PPFIBP2: variants seen among roughly 807,000 people sequenced by gnomAD.
The protein encoded by PPFIBP2 is PPFIB scaffold protein 2.
In PPFIBP2, 118 loss-of-function variants were observed where a neutral mutation model predicts 118.3. The ratio of observed to expected loss-of-function variants is 1.00; its 90% confidence interval spans 0.86 to 1.16. PPFIBP2 has a LOEUF of 1.16. Among genes scored for constraint, PPFIBP2 ranks in the 50% most tolerant of loss-of-function variants. PPFIBP2 has a pLI of 0.00. For synonymous variants in PPFIBP2, 414 were observed against 397.4 expected (o/e 1.04, Z -0.50); for missense variants, 1,195 against 1,073.1 (o/e 1.11, Z -1.59).
chr11:7,568,840 G>A (rs1430809177), intron 3 of PPFIBP2: 1 of 152,270 alleles, frequency 6.6e-6, no homozygotes, highest in African/African-American at 2.4e-5. Flanking sequence ...CCAGATCAAT[G>A]AAGAAGCGTT....
At chr11:7,552,368 A>G (rs192711773) in intron 2 of PPFIBP2, among the ~76,000 whole-genome samples, 1 of 152,292 alleles carries the variant, frequency 6.6e-6, no homozygotes, top group East Asian at 1.9e-4. Flanking sequence ...ATCATGTTGA[A>G]TCTTTTCTGG....
At chr11:7,617,348 G>A (rs1319381632) in intron 6 of PPFIBP2, 1 of 971,664 alleles carries the variant, frequency 1.0e-6, no homozygotes, top group Non-Finnish European at 1.2e-6. Flanking sequence ...CATTTCACTG[G>A]TGGAGGGGCT....
intron 3 of PPFIBP2, among the ~76,000 whole-genome samples, chr11:7,589,457 G>A (rs1226438258): frequency 2.0e-5 from 3 of 152,094 alleles, no homozygotes; most frequent in African/African-American, 7.2e-5. Context: ...GCTGGGCATG[G>A]TGGTGCATGC....
At chr11:7,525,726 A>G (rs568433628) in intron 1 of PPFIBP2, among the ~76,000 whole-genome samples, 2 of 152,316 alleles carry the variant, frequency 1.3e-5, no homozygotes, top group South Asian at 2.1e-4. Context: ...TGTCCTACCC[A>G]TCTATGTGGA....
chr11:7,606,146 G>A, intron 5 of PPFIBP2: 2 of 1,090,182 alleles, frequency 1.8e-6, no homozygotes, highest in East Asian at 2.8e-5. Context: ...TGGTCGGGGG[G>A]CAAAATACTG....
chr11:7,634,850 G>C (rs1851238800), intron 13 of PPFIBP2, among the ~76,000 whole-genome samples: 1 of 152,176 alleles, frequency 6.6e-6, no homozygotes, highest in Admixed American at 6.5e-5. Flanking sequence ...TGGAGAGTAG[G>C]AGGAGGTAAG....
intron 1 of PPFIBP2, among the ~76,000 whole-genome samples, chr11:7,527,532 T>C (rs1850336076): frequency 6.6e-6 from 1 of 152,198 alleles, no homozygotes; most frequent in Admixed American, 6.5e-5. Flanking sequence ...ATGGTGATGA[T>C]GGGACCACAA....
At position 7,629,463 on chromosome 11, in the gene PPFIBP2, G is replaced by A. The variant is rs774965383; in HGVS notation, c.893G>A (p.Arg298His). 26 of 1,613,844 alleles carry A rather than the reference G, an allele frequency of 1.6e-5. No individual in the cohort carries two copies. The highest frequency in any genetic ancestry group is 6.7e-5 in the East Asian group (3 of 44,888). ...TCTCTACTTGCACTATGGCAGGACC[G>A]TCGGATAGAGGAGCTTACGGGGCTG... ...TLLLANEDKD[R>H]RIEELTGLLN... is the part of the protein sequence containing the mutation. Residue 298 changes from arginine to histidine, a missense_variant, in exon 10 of 24, where the codon CGT becomes CAT. Transcript: ENST00000299492.
intron 5 of PPFIBP2, among the ~76,000 whole-genome samples, chr11:7,607,569 T>C (rs1295817573): frequency 6.6e-6 from 1 of 152,086 alleles, no homozygotes; most frequent in East Asian, 1.9e-4. Flanking sequence ...TTATTAGTAA[T>C]TGTCATGTAT....
At chr11:7,547,970 GT>G (rs1852515647) in intron 1 of PPFIBP2, among the ~76,000 whole-genome samples, 1 of 151,958 alleles carries the variant, frequency 6.6e-6, no homozygotes, top group Non-Finnish European at 1.5e-5. Flanking sequence ...TTTGTTTAAA[GT>G]TTCCTCTGAG....
At chr11:7,560,525 A>G (rs919717250) in intron 2 of PPFIBP2, among the ~76,000 whole-genome samples, 2 of 152,196 alleles carry the variant, frequency 1.3e-5, no homozygotes, top group African/African-American at 2.4e-5. Flanking sequence ...TCTTTCTTTC[A>G]GAAGTTATTT....
Position 7,636,736 on chromosome 11 carries a change from GA to G in PPFIBP2, c.1236+1150del, listed in dbSNP as rs553206725. Among the ~76,000 whole-genome samples, 129 of 152,174 alleles carry G rather than the reference GA, an allele frequency of 8.5e-4. 4 individuals carry two copies. The South Asian group carries it at 0.026, about 30-fold the overall frequency. ...TAAGTAACGTAGAACTATTTATAAA[GA>G]AAAAAATGCTCCAGATTAAAAGATT... On this transcript the variant is annotated intron_variant, in intron 14 of 23. Transcript: ENST00000299492.
downstream of PPFIBP2, among the ~76,000 whole-genome samples, chr11:7,662,033 A>G (rs1170896028): frequency 2.2e-5 from 3 of 138,960 alleles, no homozygotes; most frequent in East Asian, 2.0e-4. Flanking sequence ...TTTTGAGCCT[A>G]TGTGTGTCTC....
At chr11:7,666,300 C>T in the PPFIBP2 span, 18 of 618,304 alleles carry the variant, frequency 2.9e-5, no homozygotes, top group Non-Finnish European at 4.9e-5. Context: ...CCCTCAATTT[C>T]TCACATTTCC....
intron 17 of PPFIBP2, among the ~76,000 whole-genome samples, chr11:7,646,176 A>G (rs559015019): frequency 6.0e-4 from 91 of 152,340 alleles, no homozygotes; most frequent in African/African-American, 2.0e-3. Flanking sequence ...AGTTTACATG[A>G]TGTACTGACA....
At chr11:7,551,450 CTG>C (rs1459266985) in intron 2 of PPFIBP2, among the ~76,000 whole-genome samples, 1 of 152,068 alleles carries the variant, frequency 6.6e-6, no homozygotes, top group Middle Eastern at 3.2e-3. Context: ...TTTCTGAACT[CTG>C]TATTCTGTTT....
chr11:7,640,388 G>A (rs749182143), intron 15 of PPFIBP2, among the ~76,000 whole-genome samples: 3 of 152,148 alleles, frequency 2.0e-5, no homozygotes, highest in Non-Finnish European at 2.9e-5. Flanking sequence ...CAAGGGTGTC[G>A]GTCTGCAGGT....
intron 3 of PPFIBP2, among the ~76,000 whole-genome samples, chr11:7,585,085 C>T (rs1345347076): frequency 6.6e-6 from 1 of 152,222 alleles, no homozygotes; most frequent in Non-Finnish European, 1.5e-5. Flanking sequence ...AGCGTATTTA[C>T]AGGCAAAGAG....
chr11:7,567,379 G>A (rs1329557835), intron 3 of PPFIBP2, among the ~76,000 whole-genome samples: 1 of 152,214 alleles, frequency 6.6e-6, no homozygotes, highest in Non-Finnish European at 1.5e-5. Context: ...AGATGCATTG[G>A]TAGAAAACAG....
Sources: allele counts gnomAD v4.1 joint callset (sites outside exome capture counted in the v4.1 genomes callset), GRCh38; gene constraint gnomAD v4.1.1; transcripts MANE v1.5; gene names NCBI Gene and HGNC (gene_info 2026-07-23, HGNC 2026-07-21).